Variants in LINGO2 observed in about 807,000 individuals in gnomAD.
LINGO2 encodes the protein leucine rich repeat and Ig domain containing 2, also known as leucine-rich repeat and immunoglobulin-like domain-containing nogo receptor-interacting protein 2.
Under a neutral mutation model 30.6 loss-of-function variants are expected in LINGO2, and 14 were observed. That is an observed-to-expected ratio of 0.46 (90% CI 0.30 to 0.72). The LOEUF is 0.72. Among genes scored for constraint, LINGO2 ranks in the 30% least tolerant of loss-of-function variants. The pLI is 0.07. For missense variants in LINGO2, 729 were observed against 751.7 expected (o/e 0.97, Z 0.35); for synonymous variants, 317 against 288.5 (o/e 1.10, Z -1.00).
At chr9:28,990,702 A>T in the LINGO2 span, among the ~76,000 whole-genome samples, 5 of 152,094 alleles carry the variant, frequency 3.3e-5, no homozygotes, top group African/African-American at 1.2e-4. Flanking sequence ...GGTTCACGAA[A>T]ATCCGCTGTT....
chr9:28,047,191 G>A (rs1400417685), intron 4 of LINGO2, among the ~76,000 whole-genome samples: 1 of 152,066 alleles, frequency 6.6e-6, no homozygotes, highest in Non-Finnish European at 1.5e-5. Context: ...TCGTCTTTCG[G>A]CCACTTTGTA....
chr9:28,650,515 A>G (rs2135969355), intron 1 of LINGO2, among the ~76,000 whole-genome samples: 1 of 152,188 alleles, frequency 6.6e-6, no homozygotes. Context: ...TTTTCCTTTG[A>G]GATTCAAATA....
rs139645163 is a variant in LINGO2, at chr9:28,194,204, G to A, written c.-87+101004C>T. ...AAATACAATCTACTATATCTTCCATGGTATCAGAAGAAATACATAACAAAA... is the reference window on the plus strand; with the variant it reads ...AAATACAATCTACTATATCTTCCATAGTATCAGAAGAAATACATAACAAAA... On this transcript the variant is annotated intron_variant, in intron 4 of 5. Coordinates refer to ENST00000379992, the Ensembl canonical transcript of LINGO2. Among the ~76,000 whole-genome samples, 690 of 152,074 alleles carry A rather than the reference G, an allele frequency of 4.5e-3. 2 individuals are homozygous for A. Among genetic ancestry groups the A allele is most frequent in the Non-Finnish European group, 7.5e-3 (512 of 67,990 alleles).
At chr9:28,338,609 C>G (rs1463866760) in intron 3 of LINGO2, among the ~76,000 whole-genome samples, 1 of 152,070 alleles carries the variant, frequency 6.6e-6, no homozygotes, top group Middle Eastern at 3.2e-3. Flanking sequence ...TGGGAGGGAC[C>G]AGTGGAAGGT....
At chr9:28,276,225 AAC>A (rs1276975516) in intron 4 of LINGO2, among the ~76,000 whole-genome samples, 1 of 152,080 alleles carries the variant, frequency 6.6e-6, no homozygotes. Context: ...TTCATTTCTA[AAC>A]CAGTTTCTCA....
At chr9:29,097,275 T>C in the LINGO2 span, among the ~76,000 whole-genome samples, 3 of 137,904 alleles carry the variant, frequency 2.2e-5, no homozygotes, top group Admixed American at 7.4e-5. Flanking sequence ...GTAAATAGTA[T>C]GCTATTTCAG....
At chr9:28,500,590 C>CA (rs910684887) in intron 1 of LINGO2, among the ~76,000 whole-genome samples, 9 of 150,366 alleles carry the variant, frequency 6.0e-5, no homozygotes, top group South Asian at 2.1e-4. Flanking sequence ...GAATGCACGA[C>CA]AAAAAAAATA....
the LINGO2 span, among the ~76,000 whole-genome samples, chr9:28,747,923 T>G: frequency 6.6e-6 from 1 of 152,052 alleles, no homozygotes; most frequent in Non-Finnish European, 1.5e-5. Context: ...GTCACTAACG[T>G]ACTTGCTTTT....
At chr9:28,916,252 T>C in the LINGO2 span, among the ~76,000 whole-genome samples, 15 of 152,168 alleles carry the variant, frequency 9.9e-5, no homozygotes, top group Non-Finnish European at 1.9e-4. Flanking sequence ...TTTGTTTCTT[T>C]GACATATTTT....
intron 4 of LINGO2, among the ~76,000 whole-genome samples, chr9:28,049,878 A>C (rs1173371574): frequency 6.6e-6 from 1 of 150,712 alleles, no homozygotes; most frequent in African/African-American, 2.5e-5. Context: ...GAAGATTTTT[A>C]AATCAAGAGA....
intron 1 of LINGO2, among the ~76,000 whole-genome samples, chr9:28,587,368 G>C (rs1177337742): frequency 6.6e-6 from 1 of 152,032 alleles, no homozygotes; most frequent in Admixed American, 6.6e-5. Context: ...CAGTGGAGCA[G>C]ACAAAGAGAT....
the LINGO2 span, chr9:27,942,892 T>C: frequency 7.4e-6 from 1 of 136,012 alleles, no homozygotes; most frequent in South Asian, 2.7e-4. Context: ...ACAACTGTCT[T>C]GTTATGAAGC....
the LINGO2 span, among the ~76,000 whole-genome samples, chr9:29,152,952 T>C: frequency 6.6e-6 from 1 of 152,104 alleles, no homozygotes; most frequent in African/African-American, 2.4e-5. Flanking sequence ...TAAAAATACA[T>C]AGCAAAAAGG....
At chr9:27,948,988 G>C (rs1373867244) in exon 6 of LINGO2, 1 of 1,613,940 alleles carries the variant, frequency 6.2e-7, no homozygotes, top group Non-Finnish European at 8.5e-7. Flanking sequence ...ACAAAAAGGA[G>C]AAGAAAACAA....
chr9:28,488,039 C>A (rs1459315528), intron 1 of LINGO2, among the ~76,000 whole-genome samples: 2 of 152,142 alleles, frequency 1.3e-5, no homozygotes, highest in Non-Finnish European at 2.9e-5. Flanking sequence ...CTGCTGACAT[C>A]TATTTTGAAT....
intron 4 of LINGO2, among the ~76,000 whole-genome samples, chr9:28,028,266 G>T (rs1309061783): frequency 6.6e-6 from 1 of 152,096 alleles, no homozygotes; most frequent in Non-Finnish European, 1.5e-5. Flanking sequence ...TTTTAACATA[G>T]CTTTTCCACA....
intron 2 of LINGO2, among the ~76,000 whole-genome samples, chr9:28,443,980 A>G (rs1008891747): frequency 7.9e-5 from 12 of 152,250 alleles, no homozygotes; most frequent in Admixed American, 2.6e-4. Flanking sequence ...CCATGGATCA[A>G]TCAGCACAGA....
the LINGO2 span, among the ~76,000 whole-genome samples, chr9:29,173,808 A>G: frequency 6.6e-6 from 1 of 152,144 alleles, no homozygotes; most frequent in Admixed American, 6.5e-5. Flanking sequence ...ATTAATTATA[A>G]ATATGTAATT....
the LINGO2 span, among the ~76,000 whole-genome samples, chr9:29,149,156 A>G: frequency 2.6e-5 from 4 of 152,180 alleles, no homozygotes; most frequent in Non-Finnish European, 5.9e-5. Flanking sequence ...GGGAGTAACA[A>G]TATCATAGTG....
Sources: gnomAD v4.1 joint callset for allele counts (sites outside exome capture counted in the v4.1 genomes callset) on GRCh38, gnomAD v4.1.1 for gene constraint, MANE v1.5 for transcripts, NCBI Gene and HGNC (gene_info 2026-07-23, HGNC 2026-07-21) for gene names.